MTBP: variants seen among roughly 807,000 people sequenced by gnomAD.
MTBP encodes the protein mdm2-binding protein.
Under a neutral mutation model 117.0 loss-of-function variants are expected in MTBP, and 101 were observed. That is an observed-to-expected ratio of 0.86 (90% CI 0.73 to 1.02). MTBP has a LOEUF of 1.02. MTBP is among the 50% of genes least tolerant of loss of function. The probability of loss-of-function intolerance (pLI) is 0.00; values close to 1 mark genes in which losing one functional copy is unlikely to be tolerated. For synonymous variants in MTBP, 350 were observed against 351.5 expected, an observed-to-expected ratio of 1.00 and a Z score of 0.05; for missense variants, 970 against 1,030.9, an observed-to-expected ratio of 0.94 and a Z score of 0.81.
At chr8:120,447,079 T>TA (rs1345569865) in intron 2 of MTBP, among the ~76,000 whole-genome samples, 1 of 152,206 alleles carries the variant, frequency 6.6e-6, no homozygotes, top group African/African-American at 2.4e-5. Context: ...CTGACTTTGA[T>TA]AGTTATCTTT....
chr8:120,510,066 G>T (rs1814768458), intron 17 of MTBP, 37 bp downstream of exon 17: 1 of 1,352,532 alleles, frequency 7.4e-7, no homozygotes, highest in Non-Finnish European at 1.0e-6. Flanking sequence ...TCTGTATGTT[G>T]TTGATACAGC....
At chr8:120,499,089 G>A (rs1263556514) in intron 14 of MTBP, among the ~76,000 whole-genome samples, 1 of 152,028 alleles carries the variant, frequency 6.6e-6, no homozygotes, top group Non-Finnish European at 1.5e-5. Flanking sequence ...GCTTCTAATT[G>A]CACATAGAAT....
intron 14 of MTBP, among the ~76,000 whole-genome samples, chr8:120,499,023 G>A (rs1814527422): frequency 6.6e-6 from 1 of 152,154 alleles, no homozygotes; most frequent in South Asian, 2.1e-4. Context: ...TTGAGCAAAG[G>A]ATGAACACAA....
At position 120,455,435 on chromosome 8, in the gene MTBP, G is replaced by T. The variant is rs1258763813; in HGVS notation, c.485G>T (p.Gly162Val). 2 of 1,584,456 alleles carry T rather than the reference G, an allele frequency of 1.3e-6. No individual in the cohort carries two copies. The highest frequency in any genetic ancestry group is 1.8e-5 in the Admixed American group (1 of 55,528). Residue 162 changes from glycine to valine, a missense_variant and splice_region_variant, in exon 6 of 22, where the codon GGT (glycine) becomes GTT (valine). Coordinates refer to ENST00000305949, the MANE Select transcript of MTBP (RefSeq NM_022045.5). Reference sequence around the variant, plus strand: ...CAAAAATGCCTTTTTCTCTTTCTAGGTAGAGCAATGGTAGATATAATACTG... The same window carrying T: ...CAAAAATGCCTTTTTCTCTTTCTAGTTAGAGCAATGGTAGATATAATACTG... ...HQLSDKLPAP[G>V]RAMVDIILLL...
At chr8:120,491,385 C>T (rs1378264721) in intron 13 of MTBP, among the ~76,000 whole-genome samples, 1 of 152,096 alleles carries the variant, frequency 6.6e-6, no homozygotes. Context: ...CTCAATTATT[C>T]ATGTAAAGAT....
At position 120,523,294 on chromosome 8, in the gene MTBP, C is replaced by T; in HGVS notation, c.2677-4C>T. 6.5e-7 allele frequency: 1 copy of T among 1,544,306 alleles called. No individual in the cohort carries two copies. Among genetic ancestry groups the T allele is most frequent in the Non-Finnish European group, 8.8e-7 (1 of 1,135,090 alleles). ...TTCTGTAATCATATTTTTTCTCCCC[C>T]TAGGTGATTGACTGGGTATTAGAAA... On this transcript the variant is annotated splice_region_variant and splice_polypyrimidine_tract_variant and intron_variant, in intron 21 of 21. Coordinates refer to ENST00000305949, the MANE Select transcript of MTBP (RefSeq NM_022045.5).
At chr8:120,508,332 G>A (rs2130610345) in intron 16 of MTBP, among the ~76,000 whole-genome samples, 1 of 152,178 alleles carries the variant, frequency 6.6e-6, no homozygotes, top group East Asian at 1.9e-4. Context: ...AAAAACTTGT[G>A]AGTGAAATTA....
rs1217866308 is a variant in MTBP, at chr8:120,451,235, T to C, written c.338T>C (p.Leu113Pro). The C allele has an allele frequency of 1.2e-6, 2 of 1,611,902 alleles. No homozygotes were observed. Among genetic ancestry groups the C allele is most frequent in the Non-Finnish European group, 1.7e-6 (2 of 1,178,544 alleles). ...DTEKDKIEDVLQTNIEECLGA... is the reference protein window; with the variant it reads ...DTEKDKIEDVPQTNIEECLGA... ...GAAAAAGATAAAATTGAAGATGTTC[T>C]TCAAACGAATATCGAAGAATGTTTG... Residue 113 changes from leucine to proline, a missense_variant, in exon 4 of 22, where the codon CTT becomes CCT. Transcript: ENST00000305949.
At chr8:120,489,241 G>A (rs1814289869) in intron 12 of MTBP, among the ~76,000 whole-genome samples, 1 of 152,058 alleles carries the variant, frequency 6.6e-6, no homozygotes, top group South Asian at 2.1e-4. Context: ...GTTTCACCAT[G>A]TTGGACAGGA....
intron 11 of MTBP, among the ~76,000 whole-genome samples, chr8:120,481,267 GT>G (rs1814078181): frequency 6.6e-6 from 1 of 152,170 alleles, no homozygotes; most frequent in Non-Finnish European, 1.5e-5. Flanking sequence ...AAGGAAAACA[GT>G]TTGACAGTTA....
chr8:120,481,318 A>G (rs1291227904), intron 11 of MTBP, among the ~76,000 whole-genome samples: 1 of 152,212 alleles, frequency 6.6e-6, no homozygotes, highest in African/African-American at 2.4e-5. Context: ...TTTCATTCCT[A>G]GATATTTACC....
intron 14 of MTBP, among the ~76,000 whole-genome samples, chr8:120,498,921 A>G (rs373898344): frequency 4.6e-5 from 7 of 152,182 alleles, no homozygotes; most frequent in African/African-American, 1.4e-4. Context: ...GGGCTTTTAT[A>G]TAAGTTTAAG....
chr8:120,450,919 T>C (rs778785470), intron 2 of MTBP, 84 bp from the exon 3 acceptor site: 53 of 879,942 alleles, frequency 6.0e-5, no homozygotes, highest in Non-Finnish European at 8.9e-5. Flanking sequence ...TCAAAAGTTA[T>C]GGTCTGTAAG....
At chr8:120,476,290 G>A (rs552802975) in intron 11 of MTBP, among the ~76,000 whole-genome samples, 71 of 152,222 alleles carry the variant, frequency 4.7e-4, no homozygotes, top group African/African-American at 1.6e-3. Flanking sequence ...CAAACCCGTA[G>A]CCAATATCAT....
chr8:120,490,166 C>A (rs1172426112), intron 12 of MTBP, among the ~76,000 whole-genome samples: 2 of 152,126 alleles, frequency 1.3e-5, no homozygotes, highest in African/African-American at 4.8e-5. Context: ...CATTCCCTAT[C>A]TGTGATTTCT....
At chr8:120,463,304 CTT>C (rs944215008) in intron 9 of MTBP, among the ~76,000 whole-genome samples, 3 of 152,050 alleles carry the variant, frequency 2.0e-5, no homozygotes, top group African/African-American at 7.2e-5. Flanking sequence ...TTTAAACTCT[CTT>C]TTAAAAATAT....
chr8:120,463,886 T>A, intron 10 of MTBP, 125 bp downstream of exon 10: 1 of 865,292 alleles, frequency 1.2e-6, no homozygotes, highest in Non-Finnish European at 1.7e-6. Context: ...TTTAATGTAA[T>A]ATAGGATAAT....
intron 1 of MTBP, 121 bp downstream of exon 1, chr8:120,445,709 T>C (rs1490628458): frequency 2.6e-6 from 2 of 756,620 alleles, no homozygotes; most frequent in East Asian, 5.5e-5. Flanking sequence ...GCTGGGACTC[T>C]ATCTGGGATA....
chr8:120,463,800 T>C (rs760069209), intron 10 of MTBP, 39 bp downstream of exon 10: 1 of 1,562,066 alleles, frequency 6.4e-7, no homozygotes, highest in South Asian at 1.1e-5. Flanking sequence ...TTTGTTTGTT[T>C]TTATACTTGC....
Sources: allele counts gnomAD v4.1 joint callset (sites outside exome capture counted in the v4.1 genomes callset), GRCh38; gene constraint gnomAD v4.1.1; transcripts MANE v1.5; gene names NCBI Gene and HGNC (gene_info 2026-07-23, HGNC 2026-07-21).